TRIP13: variants seen among roughly 807,000 people sequenced by gnomAD.
TRIP13 encodes thyroid hormone receptor interactor 13.
A neutral mutation model predicts 54.4 loss-of-function variants in TRIP13; 25 were observed. The ratio of observed to expected loss-of-function variants is 0.46; its 90% confidence interval spans 0.33 to 0.64. The LOEUF is 0.64. Ranked by LOEUF, TRIP13 falls within the 30% of genes least tolerant of loss-of-function variation. The pLI, the probability that TRIP13 is intolerant of heterozygous loss-of-function variation, is 0.02. For synonymous variants in TRIP13, 207 were observed against 207.8 expected (o/e 1.00, Z 0.03); for missense variants, 373 against 534.2 (o/e 0.70, Z 2.97).
intron 5 of TRIP13, among the ~76,000 whole-genome samples, chr5:902,327 T>G (rs1035659399): frequency 2.2e-4 from 34 of 152,324 alleles, no homozygotes; most frequent in South Asian, 8.3e-4. Flanking sequence ...CAGTTAAGAT[T>G]GCGTGACAAA....
At chr5:905,716 G>A (rs1339590032) in intron 6 of TRIP13, among the ~76,000 whole-genome samples, 2 of 152,206 alleles carry the variant, frequency 1.3e-5, no homozygotes, top group African/African-American at 2.4e-5. Context: ...TCTCATTTAA[G>A]ATTAGATGGT....
chr5:904,706 T>C (rs1038858851), intron 6 of TRIP13, among the ~76,000 whole-genome samples: 2 of 152,188 alleles, frequency 1.3e-5, no homozygotes, highest in Non-Finnish European at 2.9e-5. Context: ...TTTAGAAATA[T>C]GTTTTATTCG....
At chr5:895,947 A>G (rs865859315) in intron 2 of TRIP13, among the ~76,000 whole-genome samples, 2 of 152,364 alleles carry the variant, frequency 1.3e-5, no homozygotes, top group South Asian at 2.1e-4. Context: ...TATAGCCATT[A>G]AGAAGAATGA....
At chr5:900,956 ATCAC>A (rs1753973982) in intron 4 of TRIP13, among the ~76,000 whole-genome samples, 1 of 151,878 alleles carries the variant, frequency 6.6e-6, no homozygotes, top group African/African-American at 2.4e-5. Context: ...GTCTGAGACT[ATCAC>A]TCAGACTGCT....
rs1259836640 is a variant in TRIP13 at position 917,059 on chromosome 5, G to C, written c.1255G>C (p.Asp419His). The C allele has an allele frequency of 6.2e-7, 1 of 1,613,988 alleles. No individual in the cohort carries two copies. Among genetic ancestry groups the C allele is most frequent in the Non-Finnish European group, 8.5e-7 (1 of 1,180,012 alleles). ...CCTCCAGGCCCTGTCTCTGGCAGTG[G>C]ACAAGCAGTTTGAAGAGAGAAAGAA... ...GFLQALSLAVDKQFEERKKLA... is the reference protein window; with the variant it reads ...GFLQALSLAVHKQFEERKKLA... Residue 419 changes from aspartate to histidine, a missense_variant, in exon 13 of 13, where the codon GAC becomes CAC. This residue lies in a region of TRIP13 where 101 missense variants were observed against 138.5 expected (regional missense o/e 0.73). Coordinates refer to ENST00000166345, the MANE Select transcript of TRIP13 (RefSeq NM_004237.4).
At chr5:914,241 C>T (rs566689670) in intron 10 of TRIP13, among the ~76,000 whole-genome samples, 4 of 152,216 alleles carry the variant, frequency 2.6e-5, no homozygotes, top group East Asian at 1.9e-4. Flanking sequence ...AGGCATGTTC[C>T]GTTATTTGTA....
At position 908,487 on chromosome 5, in the gene TRIP13, CCT is replaced by C; in HGVS notation, c.866+27_866+28del. 6.2e-7 allele frequency: 1 copy of C among 1,612,200 alleles called. No homozygotes were observed. The highest frequency in any genetic ancestry group is 1.3e-5 in the African/African-American group (1 of 75,018). On this transcript the variant is annotated intron_variant, in intron 9 of 12. Coordinates refer to ENST00000166345, the MANE Select transcript of TRIP13 (RefSeq NM_004237.4). The surrounding 1 kb of genome is among the most constrained non-coding windows in gnomAD (Gnocchi z 5.2). ...GTAACCAGGACATGCAGCAATTTTC[CCT>C]GAGAAGTGATGAGAAGTTTGTCCCA...
At chr5:909,568 C>A (rs964181026) in intron 9 of TRIP13, among the ~76,000 whole-genome samples, 7 of 152,082 alleles carry the variant, frequency 4.6e-5, no homozygotes, top group Non-Finnish European at 1.0e-4. Flanking sequence ...GAGACCCTAA[C>A]CCAGCGGCGC....
In TRIP13 at chr5:900,564, C is replaced by G. The variant is rs773986172; in HGVS notation, c.444+15C>G. 6.2e-7 allele frequency: 1 copy of G among 1,609,506 alleles called. No individual in the cohort carries two copies. Among genetic ancestry groups the G allele is most frequent in the South Asian group, 1.1e-5 (1 of 90,120 alleles). On this transcript the variant is annotated intron_variant, in intron 4 of 12. Coordinates refer to ENST00000166345, the MANE Select transcript of TRIP13 (RefSeq NM_004237.4). The stretch of plus-strand genomic sequence containing the variant: ...TCAAATCCCATGTAAGTTGCTGTGC[C>G]TTTTCCCAGAATGCCCTGTTATTTG...
chr5:911,236 G>T lies in TRIP13; in HGVS notation c.867-607G>T, dbSNP rs1487162541. ...TGCCCAGGTGGTGGTGGGCACCAGA[G>T]CCCACGGTAGGTGGCACAATCAGGA... is the stretch of plus-strand genomic sequence containing the variant. On this transcript the variant is annotated intron_variant, in intron 9 of 12. Transcript: ENST00000166345. The surrounding 1 kb of genome is among the most constrained non-coding windows in gnomAD (Gnocchi z 4.7). Among the ~76,000 whole-genome samples the T allele has an allele frequency of 6.6e-6, 1 of 152,218 alleles. No individual in the cohort carries two copies. The highest frequency in any genetic ancestry group is 1.5e-5 in the Non-Finnish European group (1 of 68,030).
chr5:918,997 ACACT>A (rs1291724091), downstream of TRIP13: 2 of 152,364 alleles, frequency 1.3e-5, no homozygotes, highest in South Asian at 2.1e-4. The surrounding 1 kb of genome is among the most constrained non-coding windows in gnomAD (Gnocchi z 4.3). Context: ...GATTAAGTTG[ACACT>A]CAGTATTAAC....
intron 5 of TRIP13, among the ~76,000 whole-genome samples, chr5:901,694 C>T (rs1580052559): frequency 6.6e-6 from 1 of 152,216 alleles, no homozygotes; most frequent in South Asian, 2.1e-4. Flanking sequence ...TCACTGCAAC[C>T]TCCACTTCCT....
chr5:895,346 C>T (rs947814570), intron 2 of TRIP13, among the ~76,000 whole-genome samples: 20 of 152,124 alleles, frequency 1.3e-4, no homozygotes, highest in African/African-American at 4.1e-4. Flanking sequence ...TTATAGAATT[C>T]CTTTATCTCA....
At chr5:914,625 A>G in intron 11 of TRIP13, 48 bp downstream of exon 11, 1 of 1,471,916 alleles carries the variant, frequency 6.8e-7, no homozygotes, top group Non-Finnish European at 9.5e-7. Flanking sequence ...CATTTGTGAT[A>G]TTAACTAGGG....
In TRIP13 at chr5:893,095, G is replaced by T; in HGVS notation, c.92+5G>T. On this transcript the variant is annotated splice_donor_5th_base_variant and intron_variant, in intron 1 of 12. Transcript: ENST00000166345. ...GGTGCATCAGCGCGGCAGCAGGTGA[G>T]CCGGACCTGTCCGACACATCCTCTG... 6.3e-7 allele frequency: 1 copy of T among 1,587,392 alleles called. No individual in the cohort carries two copies.
intron 9 of TRIP13, among the ~76,000 whole-genome samples, chr5:909,170 G>C (rs1754178970): frequency 6.6e-6 from 1 of 152,146 alleles, no homozygotes; most frequent in African/African-American, 2.4e-5. Flanking sequence ...TGTGCAGATG[G>C]TCCACGTCTC....
intron 2 of TRIP13, among the ~76,000 whole-genome samples, chr5:895,162 A>G (rs573079951): frequency 9.8e-5 from 15 of 152,364 alleles, no homozygotes; most frequent in African/African-American, 2.9e-4. Flanking sequence ...TCAGTATAGC[A>G]GTAACAGATT....
intron 3 of TRIP13, among the ~76,000 whole-genome samples, chr5:899,997 G>A (rs1203371355): frequency 6.6e-6 from 1 of 152,196 alleles, no homozygotes; most frequent in Non-Finnish European, 1.5e-5. Context: ...AGTGTGTGGG[G>A]AAACAGGTGG....
intron 1 of TRIP13, among the ~76,000 whole-genome samples, chr5:894,166 TCA>T (rs1753821242): frequency 1.3e-5 from 2 of 152,088 alleles, no homozygotes; most frequent in African/African-American, 4.8e-5. Flanking sequence ...CCAGGAGGGC[TCA>T]GAGGGAGGCA....
Sources: allele counts gnomAD v4.1 joint callset (sites outside exome capture counted in the v4.1 genomes callset), GRCh38; gene constraint gnomAD v4.1.1; regional missense constraint gnomAD v4.1.1; non-coding constraint Gnocchi (gnomAD v3.1); transcripts MANE v1.5; gene names NCBI Gene and HGNC (gene_info 2026-07-23, HGNC 2026-07-21).